The following TLK1 variants were observed in gnomAD, a reference collection of about 807,000 sequenced individuals.
TLK1 encodes the protein tousled like kinase 1.
Under a neutral mutation model 105.3 loss-of-function variants are expected in TLK1, and 24 were observed. The ratio of observed to expected loss-of-function variants is 0.23; its 90% confidence interval spans 0.17 to 0.32. TLK1 has a LOEUF of 0.32. Ranked by LOEUF, TLK1 falls within the 10% of genes least tolerant of loss-of-function variation. The probability of loss-of-function intolerance (pLI) is 1.00; values close to 1 mark genes in which losing one functional copy is unlikely to be tolerated. For missense variants in TLK1, 558 were observed against 910.5 expected, an observed-to-expected ratio of 0.61 and a Z score of 4.98; for synonymous variants, 321 against 310.4, an observed-to-expected ratio of 1.03 and a Z score of -0.36.
intron 1 of TLK1, among the ~76,000 whole-genome samples, chr2:171,194,772 G>T (rs560169139): frequency 6.9e-6 from 1 of 145,390 alleles, no homozygotes; most frequent in African/African-American, 2.6e-5. Context: ...AGCCCAGATC[G>T]CGCCACTGCA....
At chr2:171,038,754 C>G (rs149594087) in intron 11 of TLK1, among the ~76,000 whole-genome samples, 1 of 152,094 alleles carries the variant, frequency 6.6e-6, no homozygotes, top group Admixed American at 6.6e-5. Context: ...TGCTTTATAA[C>G]CAATTTTTTT....
At chr2:171,041,801 A>G (rs766634838) in intron 11 of TLK1, among the ~76,000 whole-genome samples, 1 of 152,210 alleles carries the variant, frequency 6.6e-6, no homozygotes, top group Non-Finnish European at 1.5e-5. Flanking sequence ...TTGATAGACA[A>G]TTGATAACTA....
At chr2:171,054,717 T>C (rs1177636472) in intron 7 of TLK1, 2 of 155,026 alleles carry the variant, frequency 1.3e-5, no homozygotes, top group African/African-American at 4.8e-5. Flanking sequence ...ATTCAAATAA[T>C]GTTTATAATT....
chr2:171,123,334 T>C (rs924726830), intron 1 of TLK1, among the ~76,000 whole-genome samples: 1 of 152,010 alleles, frequency 6.6e-6, no homozygotes, highest in East Asian at 1.9e-4. Flanking sequence ...GTAGCCGGGA[T>C]TACAGGCACA....
intron 2 of TLK1, among the ~76,000 whole-genome samples, chr2:171,114,436 T>C (rs1484097242): frequency 2.0e-5 from 3 of 152,200 alleles, no homozygotes; most frequent in Admixed American, 6.5e-5. Flanking sequence ...TTCCAGACTG[T>C]TGTCAGAGGG....
intron 13 of TLK1, among the ~76,000 whole-genome samples, chr2:171,013,368 A>C (rs985193264): frequency 7.5e-6 from 1 of 133,046 alleles, no homozygotes; most frequent in Non-Finnish European, 1.6e-5. Flanking sequence ...CACTTTGTCA[A>C]TCAGGCTGGA....
At chr2:171,078,090 C>T (rs1033359688) in intron 3 of TLK1, among the ~76,000 whole-genome samples, 37 of 152,032 alleles carry the variant, frequency 2.4e-4, no homozygotes, top group African/African-American at 8.7e-4. Flanking sequence ...CAGATATCTT[C>T]TACTGTGCCA....
At chr2:171,157,909 C>G (rs1048324293) in intron 1 of TLK1, among the ~76,000 whole-genome samples, 2 of 152,044 alleles carry the variant, frequency 1.3e-5, no homozygotes, top group Non-Finnish European at 2.9e-5. Flanking sequence ...TAGTTTTCAC[C>G]GTGATACATA....
At chr2:171,143,631 T>A (rs1371198957) in intron 1 of TLK1, among the ~76,000 whole-genome samples, 1 of 149,812 alleles carries the variant, frequency 6.7e-6, no homozygotes, top group African/African-American at 2.4e-5. Flanking sequence ...AATGTAGCTA[T>A]GAAGTAGACT....
At chr2:171,019,788 T>G (rs1212676245) in intron 12 of TLK1, among the ~76,000 whole-genome samples, 1 of 152,162 alleles carries the variant, frequency 6.6e-6, no homozygotes, top group Non-Finnish European at 1.5e-5. Context: ...CCAGGTGAGG[T>G]GGCTCACACT....
At chr2:171,082,947 A>G in intron 2 of TLK1, 95 bp from the exon 3 acceptor site, 1 of 802,914 alleles carries the variant, frequency 1.2e-6, no homozygotes, top group East Asian at 2.7e-5. Flanking sequence ...TAGATAATCT[A>G]TCTTCATAAA....
chr2:171,162,627 G>A (rs539165856), upstream of TLK1, among the ~76,000 whole-genome samples: 4 of 152,328 alleles, frequency 2.6e-5, no homozygotes, highest in Middle Eastern at 3.4e-3. Flanking sequence ...GGAAGATGGT[G>A]AATGTATCTA....
Position 171,014,726 on chromosome 2 carries a change from G to A in TLK1, c.1334+125C>T, listed in dbSNP as rs946417136. Reference sequence around the variant, plus strand: ...TCATAAAAGGCCTTCCAAGCCATGGGAAGGACTTTGGATCTTTTCTAAGTA... The same window carrying A: ...TCATAAAAGGCCTTCCAAGCCATGGAAAGGACTTTGGATCTTTTCTAAGTA... On this transcript the variant is annotated intron_variant, in intron 13 of 20. Coordinates refer to ENST00000431350, the MANE Select transcript of TLK1 (RefSeq NM_012290.5). 4.2e-6 allele frequency: 3 copies of A among 707,566 alleles called. No individual in the cohort carries two copies. In the African/African-American group the frequency reaches 5.4e-5, roughly 13 times the overall value. 43.8% of individuals were successfully genotyped at this position (707,566 alleles called of 1,614,324 possible).
intron 1 of TLK1, among the ~76,000 whole-genome samples, chr2:171,149,028 TTTC>T (rs759985348): frequency 2.7e-5 from 4 of 150,060 alleles, no homozygotes; most frequent in Non-Finnish European, 5.9e-5. Flanking sequence ...GTTGGTCTCA[TTTC>T]TTGTCACTAT....
chr2:171,134,006 A>T (rs10191270), intron 1 of TLK1, among the ~76,000 whole-genome samples: 61,076 of 151,646 alleles, frequency 0.4, 14,025 homozygotes, highest in African/African-American at 0.61. Flanking sequence ...TGTTTTTTTT[A>T]ATCCATAAAA....
At chr2:171,044,923 G>C (rs1381651303) in intron 11 of TLK1, among the ~76,000 whole-genome samples, 2 of 152,110 alleles carry the variant, frequency 1.3e-5, no homozygotes, top group African/African-American at 4.8e-5. Context: ...AGTTAAGAAA[G>C]GGCAACTGGA....
intron 2 of TLK1, among the ~76,000 whole-genome samples, chr2:171,101,071 G>T (rs1415706545): frequency 6.6e-6 from 1 of 151,656 alleles, no homozygotes; most frequent in Non-Finnish European, 1.5e-5. Context: ...GCACAGGCCA[G>T]GCGCAGTGGC....
chr2:171,115,377 T>C (rs746608590), intron 2 of TLK1, among the ~76,000 whole-genome samples: 7 of 152,060 alleles, frequency 4.6e-5, no homozygotes, highest in Non-Finnish European at 7.4e-5. Context: ...GGTTTCTCCA[T>C]GTTGAGGCTG....
chr2:171,162,524 C>A (rs894256264), upstream of TLK1, among the ~76,000 whole-genome samples: 1 of 152,092 alleles, frequency 6.6e-6, no homozygotes, highest in Non-Finnish European at 1.5e-5. Context: ...GGCGACAGAG[C>A]GAGACTCCTA....
Sources: allele counts gnomAD v4.1 joint callset (sites outside exome capture counted in the v4.1 genomes callset), GRCh38; gene constraint gnomAD v4.1.1; transcripts MANE v1.5; gene names NCBI Gene and HGNC (gene_info 2026-07-23, HGNC 2026-07-21).